The following DCC variants were observed in gnomAD, a reference collection of about 807,000 sequenced individuals.
The protein encoded by DCC is netrin receptor DCC.
A neutral mutation model predicts 172.5 loss-of-function variants in DCC; 58 were observed. The ratio of observed to expected loss-of-function variants is 0.34; its 90% CI spans 0.27 to 0.42. The LOEUF is 0.42. Among genes scored for constraint, DCC ranks in the 10% least tolerant of loss-of-function variants. The pLI is 1.00. For missense variants in DCC, 1,740 were observed against 1,791.0 expected, an observed-to-expected ratio of 0.97 and a Z score of 0.51; for synonymous variants, 709 against 644.5, an observed-to-expected ratio of 1.10 and a Z score of -1.52.
chr18:53,217,876 T>C (rs1280793574), intron 12 of DCC, among the ~76,000 whole-genome samples: 1 of 152,040 alleles, frequency 6.6e-6, no homozygotes, highest in African/African-American at 2.4e-5. Context: ...ACAAGGTCTT[T>C]CTTTGTTGCC....
chr18:52,602,718 CA>C (rs749230249), intron 1 of DCC, among the ~76,000 whole-genome samples: 1 of 151,850 alleles, frequency 6.6e-6, no homozygotes, highest in Non-Finnish European at 1.5e-5. Flanking sequence ...AATACTCTAG[CA>C]AACGAGATTT....
At chr18:52,894,510 G>A (rs1430013053) in intron 2 of DCC, among the ~76,000 whole-genome samples, 3 of 150,578 alleles carry the variant, frequency 2.0e-5, no homozygotes, top group Non-Finnish European at 4.4e-5. Context: ...TAATATATAG[G>A]ATCTATCCAT....
At position 53,410,609 on chromosome 18, in the gene DCC, G is replaced by A. The variant is rs2145054807; in HGVS notation, c.3093G>A (p.Gly1031=). 6.2e-7 allele frequency: 1 copy of A among 1,609,516 alleles called. No homozygotes were observed. The highest frequency in any genetic ancestry group is 8.5e-7 in the Non-Finnish European group (1 of 1,175,870). Residue 1031 remains glycine, a synonymous_variant, in exon 20 of 29, where the codon GGG becomes GGA. Transcript: ENST00000442544. The stretch of plus-strand genomic sequence containing the variant: ...AAGCACGAAATTCAAAAGGAGTGGG[G>A]CCACTCTCTGATCCTATCCTCTTCA... The part of the protein sequence containing the change: ...RIQARNSKGV[G]PLSDPILFRT...
chr18:53,105,374 G>A (rs16956139), intron 7 of DCC, among the ~76,000 whole-genome samples: 339 of 152,058 alleles, frequency 2.2e-3, no homozygotes, highest in African/African-American at 7.5e-3. Flanking sequence ...TTTATTTCCC[G>A]AGCTTATCTG....
chr18:52,928,645 G>T (rs534985637), intron 5 of DCC, among the ~76,000 whole-genome samples: 1 of 152,240 alleles, frequency 6.6e-6, no homozygotes, highest in Admixed American at 6.5e-5. Flanking sequence ...CAAACCATGT[G>T]AGACATTTAT....
intron 5 of DCC, among the ~76,000 whole-genome samples, chr18:53,063,063 G>A (rs778576049): frequency 1.3e-5 from 2 of 151,690 alleles, no homozygotes; most frequent in East Asian, 1.9e-4. Flanking sequence ...TTTCCAAAAA[G>A]TGTTTCCTTT....
chr18:52,935,218 A>G (rs1187255812), intron 5 of DCC, among the ~76,000 whole-genome samples: 2 of 152,070 alleles, frequency 1.3e-5, no homozygotes, highest in Admixed American at 1.3e-4. Context: ...ATAATTGCTC[A>G]TTTACATAAT....
intron 7 of DCC, among the ~76,000 whole-genome samples, chr18:53,136,325 A>C (rs1285927286): frequency 6.6e-6 from 1 of 152,046 alleles, no homozygotes; most frequent in East Asian, 1.9e-4. Context: ...ACATATTTAC[A>C]GGTGTGTTTG....
chr18:53,120,514 T>G (rs2043468886), intron 7 of DCC, among the ~76,000 whole-genome samples: 1 of 151,872 alleles, frequency 6.6e-6, no homozygotes, highest in African/African-American at 2.4e-5. Context: ...CATAATGCAA[T>G]TTAAGTTTAT....
At chr18:53,458,191 G>C (rs1290627086) in intron 23 of DCC, among the ~76,000 whole-genome samples, 1 of 152,116 alleles carries the variant, frequency 6.6e-6, no homozygotes, top group Non-Finnish European at 1.5e-5. Context: ...TCTTACAAGA[G>C]ACATTATTTT....
chr18:53,391,327 C>T (rs1191716736), intron 16 of DCC, among the ~76,000 whole-genome samples: 2 of 152,054 alleles, frequency 1.3e-5, no homozygotes, highest in African/African-American at 4.8e-5. Flanking sequence ...GATCCTGTAA[C>T]TAGATCTTTT....
At chr18:53,188,812 T>C (rs2055324816) in intron 9 of DCC, among the ~76,000 whole-genome samples, 1 of 152,156 alleles carries the variant, frequency 6.6e-6, no homozygotes, top group African/African-American at 2.4e-5. Context: ...CTTCTGGCAA[T>C]CCTTGGCATT....
At chr18:52,487,463 A>G (rs937613065) in intron 1 of DCC, among the ~76,000 whole-genome samples, 1 of 152,158 alleles carries the variant, frequency 6.6e-6, no homozygotes, top group Non-Finnish European at 1.5e-5. Context: ...GTGATTAACA[A>G]TAATGAAAAA....
At chr18:53,462,676 C>T (rs917778608) in intron 24 of DCC, among the ~76,000 whole-genome samples, 1 of 152,094 alleles carries the variant, frequency 6.6e-6, no homozygotes, top group African/African-American at 2.4e-5. Context: ...AATTTTCTTC[C>T]ATGAAACTGG....
intron 1 of DCC, among the ~76,000 whole-genome samples, chr18:52,343,859 T>C (rs911760776): frequency 1.3e-4 from 20 of 152,186 alleles, no homozygotes; most frequent in African/African-American, 4.8e-4. Context: ...GTGGGTTTGC[T>C]TTTGAGTGGC....
chr18:52,401,636 A>G (rs990962145), intron 1 of DCC, among the ~76,000 whole-genome samples: 46 of 152,104 alleles, frequency 3.0e-4, no homozygotes, highest in African/African-American at 1.0e-3. Context: ...GCATTCATTT[A>G]TGTAGACTCA....
chr18:53,313,081 A>C (rs112523375), intron 13 of DCC, among the ~76,000 whole-genome samples: 2,467 of 122,940 alleles, frequency 0.02, 66 homozygotes, highest in African/African-American at 0.066. Flanking sequence ...GGAAGGAAGG[A>C]AAAAGGAAGG....
At chr18:52,563,254 A>T (rs1473193199) in intron 1 of DCC, among the ~76,000 whole-genome samples, 3 of 152,212 alleles carry the variant, frequency 2.0e-5, no homozygotes, top group Non-Finnish European at 4.4e-5. Context: ...TTTTACAATA[A>T]ATAAAATTAC....
Position 53,207,746 on chromosome 18 carries a change from G to A in DCC, c.1790G>A (p.Arg597Gln), listed in dbSNP as rs1057519056. 14 of 1,612,954 alleles carry A rather than the reference G, an allele frequency of 8.7e-6. No homozygotes were observed. The highest frequency in any genetic ancestry group is 4.5e-5 in the East Asian group (2 of 44,860). The change falls in exon 11 of 29, where the codon CGA (arginine) becomes CAA (glutamine). Residue 597 changes from arginine (R) to glutamine (Q), a missense_variant. Physicochemically the swap from Arg to Gln is conservative, Grantham distance 43 (BLOSUM62 1). This residue lies in a region of DCC where 1,732 missense variants were observed against 1,767.4 expected (regional missense o/e 0.98). Coordinates refer to ENST00000442544, the MANE Select transcript of DCC (RefSeq NM_005215.4). ...AAAAAATTCACCGAATATAGTCTTCGATTCTTAGCTTATAATCGCTATGGT... is the reference window on the plus strand; with the variant it reads ...AAAAAATTCACCGAATATAGTCTTCAATTCTTAGCTTATAATCGCTATGGT... ...GLKKFTEYSLRFLAYNRYGPG... is the reference protein window; with the variant it reads ...GLKKFTEYSLQFLAYNRYGPG...
Sources: allele counts gnomAD v4.1 joint callset (sites outside exome capture counted in the v4.1 genomes callset), GRCh38; gene constraint gnomAD v4.1.1; regional missense constraint gnomAD v4.1.1; transcripts MANE v1.5; gene names NCBI Gene and HGNC (gene_info 2026-07-23, HGNC 2026-07-21).